Variants in VWC2 observed in about 807,000 individuals in gnomAD.
VWC2 encodes von Willebrand factor C domain containing 2, also known as brorin.
A neutral mutation model predicts 29.8 loss-of-function variants in VWC2; 14 were observed. The ratio of observed to expected loss-of-function variants is 0.47; its 90% CI spans 0.31 to 0.74. The LOEUF (loss-of-function observed/expected upper bound fraction) is 0.74. Ranked by LOEUF, VWC2 falls within the 30% of genes least tolerant of loss-of-function variation. The pLI, the probability that VWC2 is intolerant of heterozygous loss-of-function variation, is 0.05. For synonymous variants in VWC2, 213 were observed against 199.0 expected, an observed-to-expected ratio of 1.07 and a Z score of -0.59; for missense variants, 457 against 459.8, an observed-to-expected ratio of 0.99 and a Z score of 0.05.
intron 3 of VWC2, among the ~76,000 whole-genome samples, chr7:49,839,173 T>C (rs1463207529): frequency 1.3e-5 from 2 of 152,190 alleles, no homozygotes; most frequent in Non-Finnish European, 2.9e-5. Context: ...TATCTGCATC[T>C]GGAAATTTCC....
chr7:49,841,654 G>A (rs1426256705), intron 3 of VWC2, among the ~76,000 whole-genome samples: 1 of 152,190 alleles, frequency 6.6e-6, no homozygotes, highest in East Asian at 1.9e-4. Flanking sequence ...CACACTCAGG[G>A]AGGCCCTGCA....
chr7:49,892,347 G>A (rs1003092977), intron 3 of VWC2, among the ~76,000 whole-genome samples: 7 of 152,080 alleles, frequency 4.6e-5, no homozygotes, highest in Admixed American at 4.6e-4. Flanking sequence ...CGCCCGGCCA[G>A]ACAAAGTAGA....
chr7:49,853,033 A>T (rs1239466347), intron 3 of VWC2, among the ~76,000 whole-genome samples: 1 of 152,232 alleles, frequency 6.6e-6, no homozygotes, highest in Non-Finnish European at 1.5e-5. Context: ...TAAAAACAAC[A>T]GCTGCACCAA....
At chr7:49,896,078 C>G (rs1389808443) in intron 3 of VWC2, among the ~76,000 whole-genome samples, 3 of 152,184 alleles carry the variant, frequency 2.0e-5, no homozygotes, top group African/African-American at 7.2e-5. Flanking sequence ...TGGTGGCTCA[C>G]ACCTGTAATA....
intron 3 of VWC2, among the ~76,000 whole-genome samples, chr7:49,837,807 G>T (rs138637079): frequency 1.4e-4 from 22 of 152,262 alleles, no homozygotes; most frequent in African/African-American, 5.3e-4. Flanking sequence ...AATCCATGAT[G>T]CTGATAATAA....
intron 3 of VWC2, among the ~76,000 whole-genome samples, chr7:49,840,054 A>G (rs946151238): frequency 2.6e-5 from 4 of 152,170 alleles, no homozygotes; most frequent in African/African-American, 9.7e-5. Flanking sequence ...ACCCTGGCCC[A>G]CGGGCTGACC....
In VWC2 at chr7:49,782,542, T is replaced by TA. The variant is rs11354472; in HGVS notation, c.696+6423dup. Among the ~76,000 whole-genome samples the TA allele has an allele frequency of 6.0e-4, 87 of 145,912 alleles. 1 individual carries two copies. The highest frequency in any genetic ancestry group is 3.6e-3 in the Middle Eastern group (1 of 280). ...TTTCAGAGCCTTGTTTTCTAGTGGTTAAAAAAAAAAAAGATAATGGGGCCT... is the reference window on the plus strand; with the variant it reads ...TTTCAGAGCCTTGTTTTCTAGTGGTTAAAAAAAAAAAAAGATAATGGGGCCT... On this transcript the variant is annotated intron_variant, in intron 2 of 3. Coordinates refer to ENST00000340652, the MANE Select transcript of VWC2 (RefSeq NM_198570.5).
rs528146834 is a variant in VWC2, at chr7:49,863,107, G to T, written c.827-48927G>T. Among the ~76,000 whole-genome samples the T allele has an allele frequency of 1.0e-3, 152 of 152,306 alleles. 1 individual carries two copies. Among genetic ancestry groups the T allele is most frequent in the Non-Finnish European group, 1.9e-3 (128 of 68,012 alleles). On this transcript the variant is annotated intron_variant, in intron 3 of 3. Transcript: ENST00000340652. ...ACCATCTGGTCCTGAACTTTTATTT[G>T]TTGGGAGGTTTTGGATTACTGATTC... is the stretch of plus-strand genomic sequence containing the variant.
intron 3 of VWC2, 48 bp downstream of exon 3, chr7:49,802,888 C>T (rs1450713316): frequency 1.2e-6 from 2 of 1,612,484 alleles, no homozygotes; most frequent in Non-Finnish European, 1.7e-6. Context: ...CACCCTGATG[C>T]ACAACCCATG....
In VWC2 at chr7:49,833,422, G is replaced by A. The variant is rs189981587; in HGVS notation, c.826+30582G>A. Among the ~76,000 whole-genome samples, 42 of 152,296 alleles carry A rather than the reference G, an allele frequency of 2.8e-4. 1 individual carries two copies. Among genetic ancestry groups the A allele is most frequent in the Admixed American group, 2.3e-3 (35 of 15,296 alleles). ...GCCAATCACTGAGATAACAAGTTTT[G>A]CAGTAGAGAAAAGATTTTATTCACA... is the stretch of plus-strand genomic sequence containing the variant. On this transcript the variant is annotated intron_variant, in intron 3 of 3. Coordinates refer to ENST00000340652, the MANE Select transcript of VWC2 (RefSeq NM_198570.5).
At chr7:49,870,497 T>C (rs1448633200) in intron 3 of VWC2, among the ~76,000 whole-genome samples, 1 of 152,220 alleles carries the variant, frequency 6.6e-6, no homozygotes, top group African/African-American at 2.4e-5. Flanking sequence ...AAGATTTCTA[T>C]CTTTTTCTGA....
At chr7:49,839,110 G>A (rs1326245060) in intron 3 of VWC2, among the ~76,000 whole-genome samples, 1 of 152,162 alleles carries the variant, frequency 6.6e-6, no homozygotes, top group Non-Finnish European at 1.5e-5. Context: ...ACAGTGAGAA[G>A]GCAGCTGTCT....
chr7:49,899,008 G>C (rs1235033335), intron 3 of VWC2, among the ~76,000 whole-genome samples: 1 of 151,976 alleles, frequency 6.6e-6, no homozygotes, highest in Non-Finnish European at 1.5e-5. Context: ...TATATTAACA[G>C]TCACTTTGAA....
At chr7:49,902,762 G>A (rs1374922177) in intron 3 of VWC2, among the ~76,000 whole-genome samples, 4 of 152,034 alleles carry the variant, frequency 2.6e-5, no homozygotes, top group South Asian at 2.1e-4. Context: ...GCATTTGATC[G>A]CATTGAAATA....
chr7:49,822,368 C>G (rs1789281806), intron 3 of VWC2, among the ~76,000 whole-genome samples: 1 of 152,156 alleles, frequency 6.6e-6, no homozygotes, highest in Non-Finnish European at 1.5e-5. Flanking sequence ...CAGTTTATTT[C>G]TCACCTTTCT....
At chr7:49,836,372 T>C (rs1789657844) in intron 3 of VWC2, among the ~76,000 whole-genome samples, 2 of 151,184 alleles carry the variant, frequency 1.3e-5, no homozygotes, top group Non-Finnish European at 2.9e-5. Flanking sequence ...CTCAGGCCTG[T>C]AATCCCAGTA....
chr7:49,839,171 T>A (rs10226002), intron 3 of VWC2, among the ~76,000 whole-genome samples: 233 of 152,286 alleles, frequency 1.5e-3, no homozygotes, highest in African/African-American at 5.5e-3. Context: ...TGTATCTGCA[T>A]CTGGAAATTT....
At chr7:49,776,212 T>G (rs1788051536) in intron 2 of VWC2, 81 bp downstream of exon 2, 7 of 1,236,880 alleles carry the variant, frequency 5.7e-6, no homozygotes, top group Non-Finnish European at 6.6e-6. Flanking sequence ...TCCCCCACTT[T>G]GAAGAAGAGG....
chr7:49,903,414 T>A (rs529940850), intron 3 of VWC2, among the ~76,000 whole-genome samples: 4 of 152,350 alleles, frequency 2.6e-5, no homozygotes. Flanking sequence ...TTAAAAGGAA[T>A]GAACTATTGA....
Sources: allele counts gnomAD v4.1 joint callset (sites outside exome capture counted in the v4.1 genomes callset), GRCh38; gene constraint gnomAD v4.1.1; transcripts MANE v1.5; gene names NCBI Gene and HGNC (gene_info 2026-07-23, HGNC 2026-07-21).